The following MCPH1 variants were observed in gnomAD, a reference collection of about 807,000 sequenced individuals.
The protein encoded by MCPH1 is microcephalin.
Under a neutral mutation model 84.5 loss-of-function variants are expected in MCPH1, and 104 were observed. That is an observed-to-expected ratio of 1.23 (90% CI 1.05 to 1.45). The LOEUF (loss-of-function observed/expected upper bound fraction) is 1.45, where lower values mean the gene tolerates loss of function less well. Among genes scored for constraint, MCPH1 ranks in the 40% most tolerant of loss-of-function variants. MCPH1 has a pLI of 0.00. For synonymous variants in MCPH1, 514 were observed against 366.8 expected (o/e 1.40, Z -4.58); for missense variants, 1,498 against 1,005.7 (o/e 1.49, Z -6.62).
intron 9 of MCPH1, among the ~76,000 whole-genome samples, chr8:6,456,375 T>C (rs1259537525): frequency 6.6e-6 from 1 of 152,164 alleles, no homozygotes; most frequent in African/African-American, 2.4e-5. Context: ...CCTAGAACGC[T>C]CGCAACACTG....
At chr8:6,601,041 G>T (rs2515543) in intron 12 of MCPH1, among the ~76,000 whole-genome samples, 66,914 of 151,850 alleles carry the variant, frequency 0.44, 15,130 homozygotes, top group East Asian at 0.71. Flanking sequence ...GAGAGCTGAG[G>T]CTCCCTGTGG....
At chr8:6,421,621 C>T (rs144942603) in intron 3 of MCPH1, among the ~76,000 whole-genome samples, 3 of 152,034 alleles carry the variant, frequency 2.0e-5, no homozygotes, top group South Asian at 2.1e-4. Flanking sequence ...CCATAAATAC[C>T]GTTTTATTGG....
chr8:6,615,031 C>T (rs868454063), intron 12 of MCPH1, among the ~76,000 whole-genome samples: 9 of 152,352 alleles, frequency 5.9e-5, no homozygotes, highest in Middle Eastern at 3.4e-3. Context: ...CCAGTAACCA[C>T]GCTCACACTG....
intron 9 of MCPH1, among the ~76,000 whole-genome samples, chr8:6,475,487 G>A (rs1015271909): frequency 1.3e-5 from 2 of 152,192 alleles, no homozygotes; most frequent in Non-Finnish European, 2.9e-5. Flanking sequence ...AGCATCCCGG[G>A]GAAAACCCAG....
At chr8:6,599,741 A>T (rs1563171367) in intron 12 of MCPH1, among the ~76,000 whole-genome samples, 1 of 152,194 alleles carries the variant, frequency 6.6e-6, no homozygotes, top group Non-Finnish European at 1.5e-5. Flanking sequence ...TTTTGAAAGT[A>T]GTGAGGGTAG....
chr8:6,479,349 C>T (rs879333164), intron 10 of MCPH1, among the ~76,000 whole-genome samples: 2 of 152,112 alleles, frequency 1.3e-5, no homozygotes, highest in Middle Eastern at 3.4e-3. Flanking sequence ...AGACAATAAC[C>T]TCTTCCCCTT....
intron 11 of MCPH1, among the ~76,000 whole-genome samples, chr8:6,493,869 A>T (rs1379470749): frequency 1.3e-5 from 2 of 152,188 alleles, no homozygotes; most frequent in Non-Finnish European, 2.9e-5. Context: ...CAAGACAGTA[A>T]TCCTCTGTGG....
chr8:6,544,589 A>AG (rs1294275559), intron 12 of MCPH1, among the ~76,000 whole-genome samples: 1 of 151,956 alleles, frequency 6.6e-6, no homozygotes, highest in Non-Finnish European at 1.5e-5. Context: ...CATGTATTGG[A>AG]GGGGGAGAGG....
Position 6,417,757 on chromosome 8 carries a change from G to C in MCPH1, c.233+2874G>C, listed in dbSNP as rs557966380. On this transcript the variant is annotated intron_variant, in intron 3 of 13. Transcript: ENST00000344683. ...TCGATGAGTGTAGTTATAAATAGTT[G>C]TCTTAATGACCTTGTCTGATAATTT... 1.3e-3 allele frequency among the ~76,000 whole-genome samples: 194 copies of C among 152,088 alleles called. 1 individual carries two copies. Among genetic ancestry groups the C allele is most frequent in the Non-Finnish European group, 2.2e-3 (148 of 68,022 alleles).
At chr8:6,613,779 G>A (rs1830523682) in intron 12 of MCPH1, among the ~76,000 whole-genome samples, 1 of 152,132 alleles carries the variant, frequency 6.6e-6, no homozygotes, top group South Asian at 2.1e-4. Flanking sequence ...TAGCAGCACG[G>A]GGTGTGGAGC....
intron 2 of MCPH1, among the ~76,000 whole-genome samples, chr8:6,412,741 T>G (rs1798715424): frequency 6.6e-6 from 1 of 152,248 alleles, no homozygotes; most frequent in African/African-American, 2.4e-5. Flanking sequence ...TCTCTAGGTG[T>G]CAGTCTTAAT....
At chr8:6,502,534 G>C (rs1812398011) in intron 12 of MCPH1, 1 of 152,210 alleles carries the variant, frequency 6.6e-6, no homozygotes, top group South Asian at 2.1e-4. Flanking sequence ...GCACCTAAGA[G>C]ATGGAGTAAA....
intron 3 of MCPH1, among the ~76,000 whole-genome samples, chr8:6,416,405 CT>C (rs1230632903): frequency 6.6e-6 from 1 of 152,140 alleles, no homozygotes; most frequent in African/African-American, 2.4e-5. Flanking sequence ...TGGAGAAAAG[CT>C]TTCAGTATTT....
intron 12 of MCPH1, among the ~76,000 whole-genome samples, chr8:6,581,672 A>ACT (rs1476766188): frequency 6.6e-6 from 1 of 152,230 alleles, no homozygotes; most frequent in Non-Finnish European, 1.5e-5. Context: ...AGTCTTAGAG[A>ACT]AAGTTTAAAT....
intron 12 of MCPH1, among the ~76,000 whole-genome samples, chr8:6,587,548 A>T (rs1828095846): frequency 6.6e-6 from 1 of 152,096 alleles, no homozygotes; most frequent in East Asian, 1.9e-4. Flanking sequence ...TCCAGTTTTC[A>T]CTGTTATGAA....
At chr8:6,633,427 G>C (rs1797309323) in intron 13 of MCPH1, among the ~76,000 whole-genome samples, 1 of 152,134 alleles carries the variant, frequency 6.6e-6, no homozygotes, top group Admixed American at 6.6e-5. Flanking sequence ...AAATAATAGT[G>C]GATTCAAGGC....
chr8:6,603,045 C>G lies in MCPH1; in HGVS notation c.2215-18409C>G, dbSNP rs149683799. 2.0e-3 allele frequency among the ~76,000 whole-genome samples: 303 copies of G among 152,070 alleles called. 5 individuals carry two copies. The highest frequency in any genetic ancestry group is 7.0e-3 in the African/African-American group (290 of 41,514). On this transcript the variant is annotated intron_variant, in intron 12 of 13. Coordinates refer to ENST00000344683, the MANE Select transcript of MCPH1 (RefSeq NM_024596.5). ...GGGCATCAGTCTCCTGACGTCATTGCTTGCACTTTTTGCCATTCTCCCCCA... is the reference window on the plus strand; with the variant it reads ...GGGCATCAGTCTCCTGACGTCATTGGTTGCACTTTTTGCCATTCTCCCCCA...
At chr8:6,564,327 A>G (rs1825955511) in intron 12 of MCPH1, among the ~76,000 whole-genome samples, 1 of 152,112 alleles carries the variant, frequency 6.6e-6, no homozygotes, top group South Asian at 2.1e-4. Flanking sequence ...GCATTTTGTA[A>G]CACATTATCA....
intron 3 of MCPH1, among the ~76,000 whole-genome samples, chr8:6,430,710 A>G (rs1370723824): frequency 5.9e-5 from 9 of 152,220 alleles, no homozygotes; most frequent in Admixed American, 5.9e-4. Flanking sequence ...TAGAGGCCTT[A>G]TAAAAACACT....
Sources: gnomAD v4.1 joint callset for allele counts (sites outside exome capture counted in the v4.1 genomes callset) on GRCh38, gnomAD v4.1.1 for gene constraint, MANE v1.5 for transcripts, NCBI Gene and HGNC (gene_info 2026-07-23, HGNC 2026-07-21) for gene names.